DONSON: variants seen among roughly 807,000 people sequenced by gnomAD.
DONSON encodes the protein protein downstream neighbor of Son.
A neutral mutation model predicts 62.1 loss-of-function variants in DONSON; 43 were observed. That is an observed-to-expected ratio of 0.69 (90% CI 0.54 to 0.89). The LOEUF (loss-of-function observed/expected upper bound fraction) is 0.89. DONSON is among the 40% of genes least tolerant of loss of function. The pLI is 0.00. For missense variants in DONSON, 696 were observed against 697.5 expected (o/e 1.00, Z 0.03); for synonymous variants, 266 against 264.6 (o/e 1.01, Z -0.05).
Position 33,578,375 on chromosome 21 carries a change from G to A in DONSON, c.1633C>T (p.Pro545Ser), listed in dbSNP as rs745916219. 1.1e-5 allele frequency: 17 copies of A among 1,613,876 alleles called. No individual in the cohort carries two copies. The South Asian group carries it at 1.8e-4, about 17-fold the overall frequency. ...PNTLEQLSQI[P>S]LLGKSSLRNV... ...CGTAAAGATGATTTCCCAAGTAACG[G>A]TATTTGACTAAGTTGCTCCAGAGTG... is the stretch of plus-strand genomic sequence containing the variant. Residue 545 changes from proline (P) to serine (S), a missense_variant, in exon 10 of 10, where the codon CCG becomes TCG. Coordinates refer to ENST00000303071, the MANE Select transcript of DONSON (RefSeq NM_017613.4).
At chr21:33,578,979 G>C (rs562154292) in intron 9 of DONSON, among the ~76,000 whole-genome samples, 1 of 151,978 alleles carries the variant, frequency 6.6e-6, no homozygotes, top group East Asian at 1.9e-4. Context: ...CTCTAATAAA[G>C]ATACAAAAAA....
Sources: allele counts gnomAD v4.1 joint callset (sites outside exome capture counted in the v4.1 genomes callset), GRCh38; gene constraint gnomAD v4.1.1; transcripts MANE v1.5; gene names NCBI Gene and HGNC (gene_info 2026-07-23, HGNC 2026-07-21).